Variants in FRMPD1 observed in about 807,000 individuals in gnomAD.
FRMPD1 encodes FERM and PDZ domain-containing protein 1.
Under a neutral mutation model 117.8 loss-of-function variants are expected in FRMPD1, and 76 were observed. The observed-to-expected ratio is 0.65, with a 90% CI of 0.54 to 0.78. The LOEUF is 0.78. FRMPD1 is among the 30% of genes least tolerant of loss of function. The pLI is 0.00. For synonymous variants in FRMPD1, 783 were observed against 770.4 expected (o/e 1.02, Z -0.27); for missense variants, 1,786 against 1,964.5 (o/e 0.91, Z 1.72).
chr9:37,685,457 C>G (rs1406858187), intron 1 of FRMPD1, among the ~76,000 whole-genome samples: 1 of 151,550 alleles, frequency 6.6e-6, no homozygotes, highest in African/African-American at 2.4e-5. Context: ...TCCTGGCTAA[C>G]ACGGTGAAAC....
chr9:37,627,291 T>A, the FRMPD1 span, among the ~76,000 whole-genome samples: 1 of 152,142 alleles, frequency 6.6e-6, no homozygotes, highest in Non-Finnish European at 1.5e-5. Context: ...CCCATAAGTT[T>A]CATGTTTACT....
At chr9:37,619,468 T>G in the FRMPD1 span, among the ~76,000 whole-genome samples, 1 of 151,904 alleles carries the variant, frequency 6.6e-6, no homozygotes, top group Admixed American at 6.6e-5. Flanking sequence ...TGCAGAGAAA[T>G]TGAATCAAGG....
intron 1 of FRMPD1, among the ~76,000 whole-genome samples, chr9:37,680,081 C>T (rs760639241): frequency 6.6e-6 from 1 of 152,326 alleles, no homozygotes; most frequent in East Asian, 1.9e-4. Context: ...GGGTCCCCAT[C>T]CCCTCAGATC....
At chr9:37,635,430 C>CT in the FRMPD1 span, among the ~76,000 whole-genome samples, 184 of 151,490 alleles carry the variant, frequency 1.2e-3, 1 homozygote, top group Admixed American at 2.6e-3. Flanking sequence ...ATGTTTTTTT[C>CT]TTTTTTTTTG....
chr9:37,613,393 C>A, the FRMPD1 span, among the ~76,000 whole-genome samples: 1 of 152,128 alleles, frequency 6.6e-6, no homozygotes, highest in South Asian at 2.1e-4. Flanking sequence ...GTTAATGTTA[C>A]CCTTTGAGAA....
At chr9:37,657,628 G>A (rs891610388) in intron 1 of FRMPD1, among the ~76,000 whole-genome samples, 22 of 152,282 alleles carry the variant, frequency 1.4e-4, no homozygotes, top group African/African-American at 5.3e-4. Context: ...GGAGATGGAA[G>A]AATAGACGGT....
the FRMPD1 span, among the ~76,000 whole-genome samples, chr9:37,614,171 GGTT>G: frequency 6.6e-6 from 1 of 152,200 alleles, no homozygotes; most frequent in Non-Finnish European, 1.5e-5. Context: ...TTATGGAAGT[GGTT>G]GTTGAAGAGT....
chr9:37,671,455 A>G (rs1821348488), intron 1 of FRMPD1, among the ~76,000 whole-genome samples: 2 of 152,190 alleles, frequency 1.3e-5, no homozygotes, highest in Admixed American at 6.5e-5. Flanking sequence ...TAGTCATTCA[A>G]TGAGTATTTA....
chr9:37,667,819 G>T (rs755371152), intron 1 of FRMPD1, among the ~76,000 whole-genome samples: 5 of 152,138 alleles, frequency 3.3e-5, no homozygotes, highest in African/African-American at 2.4e-5. Context: ...CCATGAGCCG[G>T]CATGAGGGCT....
the FRMPD1 span, among the ~76,000 whole-genome samples, chr9:37,632,907 G>GTA: frequency 6.8e-6 from 1 of 146,762 alleles, no homozygotes; most frequent in South Asian, 2.1e-4. Flanking sequence ...ATAAATTTCT[G>GTA]TATATATATA....
In FRMPD1 at chr9:37,711,388, G is replaced by A; in HGVS notation, c.401G>A (p.Cys134Tyr). 6.2e-7 allele frequency: 1 copy of A among 1,606,720 alleles called. No individual in the cohort carries two copies. Among genetic ancestry groups the A allele is most frequent in the South Asian group, 1.1e-5 (1 of 90,926 alleles). ...EDSLSITVVR[C>Y]TSGVPKSSFL... Reference sequence around the variant, plus strand: ...TCTCTTTCAATCACAGTTGTTCGCTGCACGTCGGTAAATCTCTTTCTATGT... The same window carrying A: ...TCTCTTTCAATCACAGTTGTTCGCTACACGTCGGTAAATCTCTTTCTATGT... Residue 134 changes from cysteine to tyrosine, a missense_variant, in exon 5 of 16, where the codon TGC (cysteine) becomes TAC (tyrosine). By Grantham distance (194) the Cys-to-Tyr change is radical. Transcript: ENST00000377765.
At position 37,666,195 on chromosome 9, in the gene FRMPD1, C is replaced by T. The variant is rs769591942; in HGVS notation, c.-5+15101C>T. Among the ~76,000 whole-genome samples, 4 of 152,198 alleles carry T rather than the reference C, an allele frequency of 2.6e-5. No individual in the cohort carries two copies. The South Asian group carries it at 8.3e-4, about 32-fold the overall frequency. On this transcript the variant is annotated intron_variant, in intron 1 of 15. Coordinates refer to ENST00000377765, the MANE Select transcript of FRMPD1 (RefSeq NM_014907.3). ...ATCAATTGGTAAAAGAAAATGGGGG[C>T]ATTTTTTGGGTGTCTTCTTCACAGT... is the stretch of plus-strand genomic sequence containing the variant.
chr9:37,653,175 C>T (rs1010713183), intron 1 of FRMPD1, among the ~76,000 whole-genome samples: 2 of 152,224 alleles, frequency 1.3e-5, no homozygotes, highest in South Asian at 4.1e-4. Flanking sequence ...TATTGGGCCT[C>T]CGAGCGTCAC....
intron 2 of FRMPD1, among the ~76,000 whole-genome samples, chr9:37,704,972 C>G (rs954257262): frequency 6.6e-6 from 1 of 152,008 alleles, no homozygotes; most frequent in Non-Finnish European, 1.5e-5. Flanking sequence ...CATTAGTACA[C>G]ATCACTAGTT....
At chr9:37,733,221 A>G (rs1823969949) in intron 10 of FRMPD1, among the ~76,000 whole-genome samples, 1 of 152,158 alleles carries the variant, frequency 6.6e-6, no homozygotes, top group Non-Finnish European at 1.5e-5. Context: ...TCTGACTGAT[A>G]GATGGTCACA....
the FRMPD1 span, among the ~76,000 whole-genome samples, chr9:37,629,390 G>T: frequency 6.6e-6 from 1 of 152,178 alleles, no homozygotes. Context: ...GGCAGATGTT[G>T]GTGCTGGAGG....
At chr9:37,620,468 G>A in the FRMPD1 span, among the ~76,000 whole-genome samples, 1 of 151,914 alleles carries the variant, frequency 6.6e-6, no homozygotes, top group Non-Finnish European at 1.5e-5. Flanking sequence ...GTCCAGCACC[G>A]GGCATAGAGA....
chr9:37,658,612 T>C (rs1040805577), intron 1 of FRMPD1, among the ~76,000 whole-genome samples: 1 of 152,126 alleles, frequency 6.6e-6, no homozygotes, highest in Non-Finnish European at 1.5e-5. Context: ...CAGCTTCTGG[T>C]GCCCACTGGC....
the FRMPD1 span, among the ~76,000 whole-genome samples, chr9:37,640,507 G>A: frequency 2.0e-5 from 3 of 152,302 alleles, no homozygotes; most frequent in Admixed American, 6.5e-5. Context: ...GGAGGTGGCA[G>A]GAATTCATGG....
Sources: gnomAD v4.1 joint callset for allele counts (sites outside exome capture counted in the v4.1 genomes callset) on GRCh38, gnomAD v4.1.1 for gene constraint, MANE v1.5 for transcripts, NCBI Gene and HGNC (gene_info 2026-07-23, HGNC 2026-07-21) for gene names.